NRXN3: variants seen among roughly 807,000 people sequenced by gnomAD.
NRXN3 encodes neurexin III.
Under a neutral mutation model 137.6 loss-of-function variants are expected in NRXN3, and 32 were observed. The ratio of observed to expected loss-of-function variants is 0.23; its 90% CI spans 0.18 to 0.31. NRXN3 has a LOEUF of 0.31. NRXN3 is among the 10% of genes least tolerant of loss of function. NRXN3 has a pLI of 1.00. For synonymous variants in NRXN3, 798 were observed against 784.5 expected, an observed-to-expected ratio of 1.02 and a Z score of -0.29; for missense variants, 1,574 against 2,062.5, an observed-to-expected ratio of 0.76 and a Z score of 4.59.
At chr14:79,405,115 C>G (rs1405612721) in intron 15 of NRXN3, among the ~76,000 whole-genome samples, 1 of 152,144 alleles carries the variant, frequency 6.6e-6, no homozygotes, top group East Asian at 1.9e-4. Flanking sequence ...CTCTGACTAG[C>G]AACAGGCCAG....
At chr14:79,050,899 C>A (rs2099640869) in intron 15 of NRXN3, among the ~76,000 whole-genome samples, 1 of 152,140 alleles carries the variant, frequency 6.6e-6, no homozygotes, top group Non-Finnish European at 1.5e-5. Flanking sequence ...TAATATGATA[C>A]AAATTCTCTC....
intron 16 of NRXN3, among the ~76,000 whole-genome samples, chr14:79,572,171 A>C (rs2097611026): frequency 6.6e-6 from 1 of 152,088 alleles, no homozygotes; most frequent in African/African-American, 2.4e-5. Context: ...CATTACCCAC[A>C]CTACACACAC....
intron 15 of NRXN3, among the ~76,000 whole-genome samples, chr14:79,083,765 A>G (rs755037264): frequency 6.6e-6 from 1 of 152,250 alleles, no homozygotes; most frequent in Non-Finnish European, 1.5e-5. Flanking sequence ...AGAGAAGTGT[A>G]GGAAAAGTCA....
At chr14:79,594,517 G>C (rs1276434910) in intron 16 of NRXN3, among the ~76,000 whole-genome samples, 1 of 152,156 alleles carries the variant, frequency 6.6e-6, no homozygotes, top group Admixed American at 6.5e-5. Context: ...CATGAAGTAA[G>C]TTATGATCAA....
At chr14:79,067,422 TTTTC>T (rs2099682157) in intron 15 of NRXN3, among the ~76,000 whole-genome samples, 1 of 152,076 alleles carries the variant, frequency 6.6e-6, no homozygotes, top group Admixed American at 6.6e-5. Context: ...TGGCCTGAAT[TTTTC>T]TTTTTTTGTT....
intron 15 of NRXN3, among the ~76,000 whole-genome samples, chr14:79,237,500 C>T (rs370076949): frequency 2.4e-4 from 36 of 152,126 alleles, no homozygotes; most frequent in African/African-American, 8.2e-4. Context: ...CTGTGGAAGG[C>T]ATGGAGTTTG....
Position 78,533,736 on chromosome 14 carries a change from C to T in NRXN3, c.758-111384C>T, listed in dbSNP as rs540873716. Among the ~76,000 whole-genome samples the T allele has an allele frequency of 2.0e-5, 3 of 152,320 alleles. No homozygotes were observed. In the South Asian group the frequency reaches 6.2e-4, roughly 32 times the overall value. ...GCTCGATATCATCTCTCCAGGAAGC[C>T]CTCCCCGCATTTCTGCACTCACTTT... On this transcript the variant is annotated intron_variant, in intron 4 of 20. Transcript: ENST00000335750.
chr14:78,820,577 A>T (rs763594390), intron 10 of NRXN3, among the ~76,000 whole-genome samples: 36 of 152,152 alleles, frequency 2.4e-4, no homozygotes, highest in Non-Finnish European at 5.0e-4. Context: ...AAGCTGTTTC[A>T]GAGGAAATCT....
intron 2 of NRXN3, among the ~76,000 whole-genome samples, chr14:78,273,691 T>C (rs1305575302): frequency 1.3e-5 from 2 of 152,150 alleles, no homozygotes; most frequent in African/African-American, 4.8e-5. Flanking sequence ...TACATATGTG[T>C]GTATCAACTT....
chr14:79,723,871 A>C (rs2098861150), intron 19 of NRXN3, among the ~76,000 whole-genome samples: 2 of 152,136 alleles, frequency 1.3e-5, no homozygotes, highest in Non-Finnish European at 2.9e-5. Context: ...AAGGGCGAGC[A>C]GTGGTACCTC....
intron 8 of NRXN3, among the ~76,000 whole-genome samples, chr14:78,763,899 G>T (rs75111487): frequency 0.021 from 3,266 of 152,254 alleles, 115 homozygotes; most frequent in African/African-American, 0.075. Context: ...TGACTGTTCT[G>T]GGAATCTGTT....
At chr14:79,285,511 G>A (rs113669158) in intron 15 of NRXN3, among the ~76,000 whole-genome samples, 9 of 152,322 alleles carry the variant, frequency 5.9e-5, no homozygotes, top group African/African-American at 2.2e-4. Context: ...GCTCTGTAGA[G>A]TAAATGTCTG....
At chr14:78,350,356 C>G (rs2083319911) in intron 4 of NRXN3, among the ~76,000 whole-genome samples, 1 of 151,430 alleles carries the variant, frequency 6.6e-6, no homozygotes, top group Non-Finnish European at 1.5e-5. Flanking sequence ...TGAATGCAAG[C>G]TAGGATGACC....
At chr14:79,061,123 A>G (rs948600107) in intron 15 of NRXN3, among the ~76,000 whole-genome samples, 1 of 152,216 alleles carries the variant, frequency 6.6e-6, no homozygotes, top group African/African-American at 2.4e-5. Context: ...GAGATCCTTA[A>G]TTGATTAATT....
rs1292687796 is a variant in NRXN3, at chr14:79,030,036, TC to T, written c.3262+41896del. Among the ~76,000 whole-genome samples, 6 of 146,212 alleles carry T rather than the reference TC, an allele frequency of 4.1e-5. 1 individual carries two copies. Among genetic ancestry groups the T allele is most frequent in the African/African-American group, 1.6e-4 (6 of 37,328 alleles). On this transcript the variant is annotated intron_variant, in intron 15 of 20. Transcript: ENST00000335750. Reference sequence around the variant, plus strand: ...TAATTTTTTTTCTTCTTTTTTTTTTTCTTTCTTTCTTTCTTTTTTTTTTTTT... The same window carrying T: ...TAATTTTTTTTCTTCTTTTTTTTTTTTTTCTTTCTTTCTTTTTTTTTTTTT...
intron 10 of NRXN3, among the ~76,000 whole-genome samples, chr14:78,853,402 G>T (rs1447008779): frequency 3.9e-5 from 6 of 152,224 alleles, no homozygotes; most frequent in South Asian, 4.1e-4. Flanking sequence ...CACATAGTTT[G>T]CAGGGGTACA....
In NRXN3 at chr14:79,713,164, C is replaced by CT. The variant is rs574716352; in HGVS notation, c.4014+15253dup. ...AATTCCTTGACTGCACTGATTTTTACTTTTTTTTTTTTTTTTTTTTTTTTT... is the reference window on the plus strand; with the variant it reads ...AATTCCTTGACTGCACTGATTTTTACTTTTTTTTTTTTTTTTTTTTTTTTTT... On this transcript the variant is annotated intron_variant, in intron 19 of 20. Transcript: ENST00000335750. Among the ~76,000 whole-genome samples, 340 of 80,888 alleles carry CT rather than the reference C, an allele frequency of 4.2e-3. 9 individuals are homozygous for CT. The highest frequency in any genetic ancestry group is 7.0e-3 in the East Asian group (16 of 2,278). 53.1% of individuals were successfully genotyped at this position (80,888 alleles called of 152,430 possible).
At chr14:79,300,087 G>A (rs536451495) in intron 15 of NRXN3, among the ~76,000 whole-genome samples, 3 of 152,094 alleles carry the variant, frequency 2.0e-5, no homozygotes, top group Admixed American at 6.6e-5. Flanking sequence ...TGACCCCTAC[G>A]TGCCAAGCAC....
intron 15 of NRXN3, among the ~76,000 whole-genome samples, chr14:79,175,264 G>T (rs933141803): frequency 1.3e-5 from 2 of 152,172 alleles, no homozygotes; most frequent in Non-Finnish European, 2.9e-5. Flanking sequence ...ACAGGCATGA[G>T]CCACCGTGCC....
Sources: allele counts gnomAD v4.1 joint callset (sites outside exome capture counted in the v4.1 genomes callset), GRCh38; gene constraint gnomAD v4.1.1; transcripts MANE v1.5; gene names NCBI Gene and HGNC (gene_info 2026-07-23, HGNC 2026-07-21).